The following PAIP2 variants were observed in gnomAD, a reference collection of about 807,000 sequenced individuals.
The protein encoded by PAIP2 is poly(A) binding protein interacting protein 2.
Under a neutral mutation model 14.8 loss-of-function variants are expected in PAIP2, and 7 were observed. The observed-to-expected ratio is 0.47, with a 90% confidence interval of 0.27 to 0.89. The LOEUF (loss-of-function observed/expected upper bound fraction) is 0.89. Among genes scored for constraint, PAIP2 ranks in the 40% least tolerant of loss-of-function variants. The pLI is 0.13. For missense variants in PAIP2, 122 were observed against 154.7 expected, an observed-to-expected ratio of 0.79 and a Z score of 1.12; for synonymous variants, 47 against 45.3, an observed-to-expected ratio of 1.04 and a Z score of -0.15.
At chr5:139,365,498 G>GA (rs895234183) in intron 3 of PAIP2, among the ~76,000 whole-genome samples, 237 of 145,614 alleles carry the variant, frequency 1.6e-3, no homozygotes, top group East Asian at 3.0e-3. Context: ...TCAAAAAAAA[G>GA]AAAAAAAAAA....
At chr5:139,357,372 C>T (rs906007260) in intron 1 of PAIP2, among the ~76,000 whole-genome samples, 2 of 152,194 alleles carry the variant, frequency 1.3e-5, no homozygotes, top group Non-Finnish European at 2.9e-5. Context: ...CTTTTCTTCC[C>T]AGGCTTTTTA....
rs140841603 is a variant in PAIP2 at position 139,358,304 on chromosome 5, T to C, written c.-26-5455T>C. ...TTGTGAGTATTAAATAGATGATGAC[T>C]GTAAGGCCCTTAAATGCAATACTAT... On this transcript the variant is annotated intron_variant, in intron 1 of 3. Transcript: ENST00000265192. 5.7e-4 allele frequency among the ~76,000 whole-genome samples: 87 copies of C among 152,374 alleles called. 1 individual carries two copies. In the Middle Eastern group the frequency reaches 0.017, roughly 30 times the overall value.
In PAIP2 at chr5:139,348,678, C is replaced by CTT. The variant is rs761015051; in HGVS notation, c.-27+6713_-27+6714dup. Among the ~76,000 whole-genome samples, 957 of 127,556 alleles carry CTT rather than the reference C, an allele frequency of 7.5e-3. 17 individuals carry two copies. Among genetic ancestry groups the CTT allele is most frequent in the African/African-American group, 0.026 (898 of 34,614 alleles). 83.7% of individuals were successfully genotyped at this position (127,556 alleles called of 152,430 possible). On this transcript the variant is annotated intron_variant, in intron 1 of 3. Coordinates refer to ENST00000265192, the MANE Select transcript of PAIP2 (RefSeq NM_016480.5). ...GGCCACGCCCAGCTAATCTTTGTAT[C>CTT]TTTTTTTTTTTTTTTTAAAGTCAGA...
intron 1 of PAIP2, among the ~76,000 whole-genome samples, chr5:139,347,327 G>A (rs1756582708): frequency 7.2e-6 from 1 of 137,974 alleles, no homozygotes; most frequent in African/African-American, 2.7e-5. Flanking sequence ...AGGCTGGAGT[G>A]CAGTGGCGCG....
At chr5:139,368,131 C>T (rs930613089) in intron 3 of PAIP2, among the ~76,000 whole-genome samples, 4 of 152,108 alleles carry the variant, frequency 2.6e-5, no homozygotes, top group African/African-American at 4.8e-5. Flanking sequence ...GTCAGGAGAT[C>T]GAGACCATCC....
intron 1 of PAIP2, among the ~76,000 whole-genome samples, chr5:139,359,137 G>C (rs1756999724): frequency 6.6e-6 from 1 of 151,870 alleles, no homozygotes; most frequent in Admixed American, 6.6e-5. Context: ...ACCACACCCA[G>C]CTAAGTTATT....
At chr5:139,355,626 G>C (rs1756885339) in intron 1 of PAIP2, among the ~76,000 whole-genome samples, 1 of 151,994 alleles carries the variant, frequency 6.6e-6, no homozygotes, top group Admixed American at 6.6e-5. Context: ...AGGCTGATGT[G>C]GGGAGATCAC....
chr5:139,365,012 C>G (rs926182391), intron 3 of PAIP2: 1 of 210,754 alleles, frequency 4.7e-6, no homozygotes, highest in African/African-American at 2.3e-5. Flanking sequence ...GGCATGGTAG[C>G]ACATGCCTGT....
At chr5:139,349,492 G>A (rs1028067296) in intron 1 of PAIP2, among the ~76,000 whole-genome samples, 1 of 151,048 alleles carries the variant, frequency 6.6e-6, no homozygotes, top group African/African-American at 2.4e-5. Flanking sequence ...TGTGATCCAC[G>A]CGCCTCAGCC....
intron 1 of PAIP2, among the ~76,000 whole-genome samples, chr5:139,358,324 T>C (rs1756976032): frequency 6.6e-6 from 1 of 152,232 alleles, no homozygotes; most frequent in African/African-American, 2.4e-5. Flanking sequence ...TTAAATGCAA[T>C]ACTATTGTTG....
chr5:139,358,158 G>T (rs1756970624), intron 1 of PAIP2, among the ~76,000 whole-genome samples: 1 of 152,156 alleles, frequency 6.6e-6, no homozygotes. Flanking sequence ...TTAGAGTCAG[G>T]CTACCTTGAC....
intron 1 of PAIP2, among the ~76,000 whole-genome samples, chr5:139,348,198 A>T (rs1756615992): frequency 6.7e-6 from 1 of 149,738 alleles, no homozygotes; most frequent in East Asian, 1.9e-4. Context: ...TTATTTATTT[A>T]TATTTTTTGA....
intron 1 of PAIP2, among the ~76,000 whole-genome samples, chr5:139,347,801 G>A (rs971271713): frequency 6.6e-6 from 1 of 152,056 alleles, no homozygotes; most frequent in Non-Finnish European, 1.5e-5. Context: ...TTTGGACACT[G>A]GCTTAGAATG....
chr5:139,345,626 A>ATT (rs34133705), intron 1 of PAIP2, among the ~76,000 whole-genome samples: 34 of 138,976 alleles, frequency 2.4e-4, no homozygotes, highest in Non-Finnish European at 3.0e-4. Flanking sequence ...CTATGCTTGA[A>ATT]TTTTTTTTTT....
At chr5:139,361,745 G>C (rs1448689545) in intron 1 of PAIP2, among the ~76,000 whole-genome samples, 1 of 152,100 alleles carries the variant, frequency 6.6e-6, no homozygotes, top group Non-Finnish European at 1.5e-5. Context: ...TTGAGTTCAA[G>C]GCTAGCCTGG....
intron 1 of PAIP2, among the ~76,000 whole-genome samples, chr5:139,359,335 C>T (rs1757005269): frequency 6.6e-6 from 1 of 151,946 alleles, no homozygotes; most frequent in East Asian, 1.9e-4. Context: ...GACAGGGTTT[C>T]GCCATGTTGG....
chr5:139,366,634 C>T (rs188073663), intron 3 of PAIP2, among the ~76,000 whole-genome samples: 50 of 152,302 alleles, frequency 3.3e-4, no homozygotes, highest in Middle Eastern at 3.4e-3. Context: ...GAGTAACACT[C>T]TTGGCTGAGC....
At chr5:139,345,090 G>A (rs1756497259) in intron 1 of PAIP2, among the ~76,000 whole-genome samples, 2 of 152,064 alleles carry the variant, frequency 1.3e-5, no homozygotes, top group African/African-American at 4.8e-5. Context: ...CTGTTGCCCA[G>A]GCTGGAGTGC....
chr5:139,351,039 C>T (rs930529820), intron 1 of PAIP2, among the ~76,000 whole-genome samples: 1 of 151,982 alleles, frequency 6.6e-6, no homozygotes, highest in Non-Finnish European at 1.5e-5. Flanking sequence ...AATATAATCT[C>T]AATGTGGGAA....
Sources: gnomAD v4.1 joint callset for allele counts (sites outside exome capture counted in the v4.1 genomes callset) on GRCh38, gnomAD v4.1.1 for gene constraint, MANE v1.5 for transcripts, NCBI Gene and HGNC (gene_info 2026-07-23, HGNC 2026-07-21) for gene names.